BBS9: variants seen among roughly 807,000 people sequenced by gnomAD.
BBS9 encodes the protein protein PTHB1.
In BBS9, 89 loss-of-function variants were observed where a neutral mutation model predicts 117.7. The ratio of observed to expected loss-of-function variants is 0.76; its 90% CI spans 0.64 to 0.90. The LOEUF (loss-of-function observed/expected upper bound fraction) is 0.90, where lower values mean the gene tolerates loss of function less well. Ranked by LOEUF, BBS9 falls within the 40% of genes least tolerant of loss-of-function variation. The probability of loss-of-function intolerance (pLI) is 0.00; values close to 1 mark genes in which losing one functional copy is unlikely to be tolerated. For synonymous variants in BBS9, 379 were observed against 370.9 expected, an observed-to-expected ratio of 1.02 and a Z score of -0.25; for missense variants, 982 against 1,042.2, an observed-to-expected ratio of 0.94 and a Z score of 0.80.
chr7:33,411,908 A>G (rs1219294526), intron 19 of BBS9, among the ~76,000 whole-genome samples: 1 of 152,182 alleles, frequency 6.6e-6, no homozygotes, highest in East Asian at 1.9e-4. Flanking sequence ...TTTTATACAG[A>G]TAATAATTAT....
intron 12 of BBS9, among the ~76,000 whole-genome samples, chr7:33,345,211 G>A (rs2128648586): frequency 6.6e-6 from 1 of 152,316 alleles, no homozygotes; most frequent in East Asian, 1.9e-4. Flanking sequence ...TAAGGATGTG[G>A]TTTTGGTTAA....
chr7:33,352,832 C>T (rs971978291), intron 14 of BBS9, 27 bp from the exon 15 acceptor site: 1 of 1,610,880 alleles, frequency 6.2e-7, no homozygotes, highest in African/African-American at 1.3e-5. Flanking sequence ...TCCCCCTACC[C>T]ATTTTTGCAT....
At chr7:33,560,021 C>A (rs1464839688) in intron 21 of BBS9, among the ~76,000 whole-genome samples, 1 of 152,102 alleles carries the variant, frequency 6.6e-6, no homozygotes, top group African/African-American at 2.4e-5. Context: ...TTCCCCTGAC[C>A]CACAACACCC....
chr7:33,152,630 A>C, intron 2 of BBS9, 71 bp from the exon 3 acceptor site: 1 of 1,414,874 alleles, frequency 7.1e-7, no homozygotes. Context: ...ACACATTAGA[A>C]AGCTTATTTC....
chr7:33,535,256 A>T (rs908433796), intron 21 of BBS9, among the ~76,000 whole-genome samples: 6 of 152,208 alleles, frequency 3.9e-5, no homozygotes, highest in African/African-American at 1.4e-4. Flanking sequence ...AATGAATGTA[A>T]TAACGCTTGC....
At chr7:33,187,001 A>G (rs1783248358) in intron 5 of BBS9, among the ~76,000 whole-genome samples, 1 of 152,168 alleles carries the variant, frequency 6.6e-6, no homozygotes, top group African/African-American at 2.4e-5. Context: ...TTTGAACTCT[A>G]CTTGTTTTTG....
At chr7:33,237,420 T>C (rs1331247589) in intron 5 of BBS9, among the ~76,000 whole-genome samples, 1 of 152,180 alleles carries the variant, frequency 6.6e-6, no homozygotes, top group African/African-American at 2.4e-5. Context: ...GGACAGTGTG[T>C]TTTTGCAGTG....
chr7:33,162,067 A>T (rs1794945075), intron 4 of BBS9, among the ~76,000 whole-genome samples: 1 of 152,124 alleles, frequency 6.6e-6, no homozygotes, highest in Non-Finnish European at 1.5e-5. Flanking sequence ...CCCATTCTGT[A>T]GGTTGCCTGT....
intron 19 of BBS9, among the ~76,000 whole-genome samples, chr7:33,396,062 CA>C (rs754249876): frequency 2.6e-5 from 4 of 151,914 alleles, no homozygotes; most frequent in East Asian, 1.9e-4. Context: ...TGTGGATGAA[CA>C]GGGGTGGTAA....
intron 9 of BBS9, among the ~76,000 whole-genome samples, chr7:33,288,851 CTAT>C: frequency 6.6e-6 from 1 of 152,078 alleles, no homozygotes. Flanking sequence ...ACAGTTACTA[CTAT>C]TATTACTATT....
At chr7:33,329,854 A>G (rs924043143) in intron 9 of BBS9, among the ~76,000 whole-genome samples, 1 of 152,182 alleles carries the variant, frequency 6.6e-6, no homozygotes, top group African/African-American at 2.4e-5. Flanking sequence ...TTTAAAATGT[A>G]CATTTTTTGA....
intron 21 of BBS9, among the ~76,000 whole-genome samples, chr7:33,612,138 A>G (rs1864913030): frequency 8.8e-6 from 1 of 113,804 alleles, no homozygotes; most frequent in Non-Finnish European, 1.6e-5. Flanking sequence ...TTAGATCTCT[A>G]GTCGTTAAGT....
At position 33,289,166 on chromosome 7, in the gene BBS9, T is replaced by C. The variant is rs116404389; in HGVS notation, c.1016+15210T>C. On this transcript the variant is annotated intron_variant, in intron 9 of 22. Coordinates refer to ENST00000242067, the MANE Select transcript of BBS9 (RefSeq NM_198428.3). ...TAACAAGACGTATGTTATTTAGAGTTGTTAGGGTAAACACCTGGAAAAACC... is the reference window on the plus strand; with the variant it reads ...TAACAAGACGTATGTTATTTAGAGTCGTTAGGGTAAACACCTGGAAAAACC... Among the ~76,000 whole-genome samples the C allele has an allele frequency of 3.2e-3, 488 of 152,314 alleles. 2 individuals are homozygous for C. Among genetic ancestry groups the C allele is most frequent in the African/African-American group, 0.011 (467 of 41,564 alleles).
At chr7:33,467,198 G>A (rs577498066) in intron 19 of BBS9, among the ~76,000 whole-genome samples, 21 of 152,136 alleles carry the variant, frequency 1.4e-4, no homozygotes, top group Admixed American at 1.2e-3. Context: ...ACTTGATTCT[G>A]GGGGGAAACA....
At chr7:33,207,790 G>A (rs75366025) in intron 5 of BBS9, among the ~76,000 whole-genome samples, 4,299 of 151,828 alleles carry the variant, frequency 0.028, 217 homozygotes, top group African/African-American at 0.099. Flanking sequence ...GCACATAAAT[G>A]TGTACACTTA....
intron 21 of BBS9, among the ~76,000 whole-genome samples, chr7:33,622,791 A>G (rs1330033085): frequency 3.3e-5 from 5 of 152,218 alleles, no homozygotes; most frequent in Admixed American, 6.5e-5. Context: ...ATGTCCAAAT[A>G]TGACAGAGAT....
intron 9 of BBS9, among the ~76,000 whole-genome samples, chr7:33,313,487 T>C (rs1453758292): frequency 6.6e-6 from 1 of 152,222 alleles, no homozygotes; most frequent in Non-Finnish European, 1.5e-5. Context: ...TAATTAGATT[T>C]AACAGTCTTG....
chr7:33,471,558 T>C (rs1275369378), intron 19 of BBS9, among the ~76,000 whole-genome samples: 1 of 152,124 alleles, frequency 6.6e-6, no homozygotes, highest in African/African-American at 2.4e-5. Flanking sequence ...GAAACTAAGA[T>C]CTAGAAGGGC....
At chr7:33,439,132 G>C (rs754169095) in intron 19 of BBS9, among the ~76,000 whole-genome samples, 1 of 152,174 alleles carries the variant, frequency 6.6e-6, no homozygotes, top group Middle Eastern at 3.2e-3. Flanking sequence ...TGAGTGACAT[G>C]CTAGGCCGGG....
Sources: gnomAD v4.1 joint callset for allele counts (sites outside exome capture counted in the v4.1 genomes callset) on GRCh38, gnomAD v4.1.1 for gene constraint, MANE v1.5 for transcripts, NCBI Gene and HGNC (gene_info 2026-07-23, HGNC 2026-07-21) for gene names.